Variants in ALDH18A1 observed in about 807,000 individuals in gnomAD.
The protein encoded by ALDH18A1 is delta-1-pyrroline-5-carboxylate synthase.
A neutral mutation model predicts 88.8 loss-of-function variants in ALDH18A1; 44 were observed. The ratio of observed to expected loss-of-function variants is 0.50; its 90% confidence interval spans 0.39 to 0.64. ALDH18A1 has a LOEUF of 0.64. Ranked by LOEUF, ALDH18A1 falls within the 30% of genes least tolerant of loss-of-function variation. ALDH18A1 has a pLI of 0.00. For synonymous variants in ALDH18A1, 331 were observed against 372.1 expected, an observed-to-expected ratio of 0.89 and a Z score of 1.27; for missense variants, 782 against 1,009.5, an observed-to-expected ratio of 0.77 and a Z score of 3.05.
intron 12 of ALDH18A1, among the ~76,000 whole-genome samples, chr10:95,619,186 C>T (rs536403837): frequency 2.0e-5 from 3 of 152,122 alleles, no homozygotes; most frequent in African/African-American, 7.2e-5. Flanking sequence ...CTCCCATTCA[C>T]AATTGCTACA....
chr10:95,637,120 A>G lies in ALDH18A1; in HGVS notation c.531T>C (p.Phe177=), dbSNP rs781084832. 1.2e-6 allele frequency: 2 copies of G among 1,614,198 alleles called. No individual in the cohort carries two copies. The highest frequency in any genetic ancestry group is 1.3e-5 in the African/African-American group (1 of 75,048). The change falls in exon 5 of 18, where the codon TTT becomes TTC. Residue 177 remains phenylalanine (F), a synonymous_variant. Coordinates refer to ENST00000371224, the MANE Select transcript of ALDH18A1 (RefSeq NM_002860.4). ...SGLMALYEAM[F]TQYSICAAQI... Reference sequence around the variant, plus strand: ...GGGCAGCACAGATGCTGTACTGGGTAAACATAGCCTCATACAAGGCCATCA... The same window carrying G: ...GGGCAGCACAGATGCTGTACTGGGTGAACATAGCCTCATACAAGGCCATCA...
At chr10:95,648,017 G>A (rs1211194269) in intron 2 of ALDH18A1, among the ~76,000 whole-genome samples, 1 of 152,208 alleles carries the variant, frequency 6.6e-6, no homozygotes, top group Admixed American at 6.5e-5. Flanking sequence ...TGAGTTCTCT[G>A]CATCACTCTA....
chr10:95,635,148 A>G (rs1039045345), intron 5 of ALDH18A1, among the ~76,000 whole-genome samples: 3 of 152,190 alleles, frequency 2.0e-5, no homozygotes, highest in Non-Finnish European at 4.4e-5. Context: ...TGTCTTGGGG[A>G]AAAATAAAAT....
Position 95,642,897 on chromosome 10 carries a change from TA to T in ALDH18A1, c.303+94del, listed in dbSNP as rs754673999. 913 of 1,288,380 alleles carry T rather than the reference TA, an allele frequency of 7.1e-4. 4 individuals carry two copies. The highest frequency in any genetic ancestry group is 7.9e-4 in the Non-Finnish European group (720 of 911,258). The allele number at this position is 1,288,380 out of a possible 1,614,324, so 79.8% of individuals were successfully genotyped here. A position where few individuals can be genotyped will look rare whatever the true frequency, so the allele number is the denominator to read the frequency against. On this transcript the variant is annotated intron_variant, in intron 3 of 17. Transcript: ENST00000371224. ...AAATCTACTGCACTGAAATCACAATTATTTTTTTAAGTTGATGAGCAACTTA... is the reference window on the plus strand; with the variant it reads ...AAATCTACTGCACTGAAATCACAATTTTTTTTTAAGTTGATGAGCAACTTA...
intron 17 of ALDH18A1, among the ~76,000 whole-genome samples, chr10:95,607,870 A>G (rs573135827): frequency 5.9e-5 from 9 of 152,230 alleles, no homozygotes; most frequent in African/African-American, 1.9e-4. Context: ...CAGAGAGAAG[A>G]GCAAGTACGA....
At chr10:95,625,291 A>T in intron 11 of ALDH18A1, 71 bp downstream of exon 11, 1 of 1,164,526 alleles carries the variant, frequency 8.6e-7, no homozygotes, top group Non-Finnish European at 1.3e-6. Context: ...CATAAGAATT[A>T]TTAGTAAAAC....
rs189607818 is a variant in ALDH18A1, at chr10:95,623,293, C to T, written c.1247-2042G>A. ...TACTAAATATTCCATTAATTTGATA[C>T]AGCTGAACGCACTTAACCACACCTA... On this transcript the variant is annotated intron_variant, in intron 11 of 17. Transcript: ENST00000371224. 9.5e-4 allele frequency among the ~76,000 whole-genome samples: 144 copies of T among 152,322 alleles called. 1 individual carries two copies. The highest frequency in any genetic ancestry group is 3.2e-3 in the African/African-American group (134 of 41,572).
chr10:95,654,766 T>C (rs993208593), intron 1 of ALDH18A1, among the ~76,000 whole-genome samples: 1 of 151,608 alleles, frequency 6.6e-6, no homozygotes, highest in African/African-American at 2.4e-5. Context: ...AACACTGAAG[T>C]ATGATTTTAG....
chr10:95,654,457 G>A (rs193246783), intron 1 of ALDH18A1, among the ~76,000 whole-genome samples: 17 of 152,180 alleles, frequency 1.1e-4, no homozygotes, highest in African/African-American at 2.9e-4. Flanking sequence ...CAGAGACACT[G>A]CTATTTTCAC....
At chr10:95,614,728 A>AT (rs1361336853) in intron 13 of ALDH18A1, among the ~76,000 whole-genome samples, 3 of 152,174 alleles carry the variant, frequency 2.0e-5, no homozygotes, top group Non-Finnish European at 4.4e-5. Context: ...GATTATGGGC[A>AT]TTTTGTTTTC....
At chr10:95,640,028 AT>A (rs1398249105) in intron 3 of ALDH18A1, among the ~76,000 whole-genome samples, 1 of 151,938 alleles carries the variant, frequency 6.6e-6, no homozygotes, top group Non-Finnish European at 1.5e-5. Context: ...GCATCTGTTG[AT>A]GATCATTGCC....
chr10:95,639,041 G>T (rs1427830816), intron 3 of ALDH18A1, among the ~76,000 whole-genome samples: 3 of 152,050 alleles, frequency 2.0e-5, no homozygotes, highest in Admixed American at 1.3e-4. Context: ...TTACAGGTGT[G>T]AGCCACTGTG....
intron 2 of ALDH18A1, among the ~76,000 whole-genome samples, chr10:95,651,577 T>C (rs1037987395): frequency 1.3e-5 from 2 of 152,182 alleles, no homozygotes; most frequent in African/African-American, 4.8e-5. Flanking sequence ...AGGAAGCTTA[T>C]AATCATGGCA....
rs149534585 is a variant in ALDH18A1, at chr10:95,625,567, C to T, written c.1153-112G>A. 9.2e-4 allele frequency: 764 copies of T among 829,138 alleles called. 11 individuals carry two copies. The East Asian group carries it at 0.019, about 20-fold the overall frequency. The allele number at this position is 829,138 out of a possible 1,614,324, so 51.4% of individuals were successfully genotyped here. A position where few individuals can be genotyped will look rare whatever the true frequency, so the allele number is the denominator to read the frequency against. Reference sequence around the variant, plus strand: ...GTGCCAGGCCTTGCTCCCACATCCACGGTCATCACCAGTTGAAATCTCCTG... The same window carrying T: ...GTGCCAGGCCTTGCTCCCACATCCATGGTCATCACCAGTTGAAATCTCCTG... On this transcript the variant is annotated intron_variant, in intron 10 of 17. Coordinates refer to ENST00000371224, the MANE Select transcript of ALDH18A1 (RefSeq NM_002860.4).
At chr10:95,634,872 G>A (rs993922137) in intron 5 of ALDH18A1, among the ~76,000 whole-genome samples, 5 of 152,184 alleles carry the variant, frequency 3.3e-5, no homozygotes, top group Admixed American at 2.6e-4. Flanking sequence ...ACGGAAGAGC[G>A]TTCTTGCTGT....
intron 7 of ALDH18A1, 119 bp from the exon 8 acceptor site, chr10:95,628,611 T>C (rs1457882957): frequency 2.4e-6 from 3 of 1,224,564 alleles, no homozygotes; most frequent in Non-Finnish European, 3.5e-6. Flanking sequence ...TCCACTGCAC[T>C]ACCACCTGCT....
In ALDH18A1 at chr10:95,633,497, C is replaced by T. The variant is rs779269485; in HGVS notation, c.711G>A (p.Gly237=). ...TTAGAAATACTTTACCCACATTTAC[C>T]CCCTGCAGGTCACTGTTGGGCTCAG... The part of the protein sequence containing the change: ...PPAEPNSDLQ[G]VNVISVKDND... The change falls in exon 6 of 18, where the codon GGG becomes GGA. Residue 237 remains glycine (G), a synonymous_variant. Coordinates refer to ENST00000371224, the MANE Select transcript of ALDH18A1 (RefSeq NM_002860.4). The T allele has an allele frequency of 6.2e-7, 1 of 1,614,104 alleles. No individual in the cohort carries two copies. The highest frequency in any genetic ancestry group is 1.1e-5 in the South Asian group (1 of 91,076).
At position 95,616,513 on chromosome 10, in the gene ALDH18A1, A is replaced by G. The variant is rs1221906425; in HGVS notation, c.1569T>C (p.Ala523=). The change falls in exon 13 of 18, where the codon GCT becomes GCC. Residue 523 remains alanine (A), a synonymous_variant. Transcript: ENST00000371224. ...NRILHLLTQE[A]LSIHGVKEAV... Reference sequence around the variant, plus strand: ...CCTCCTTGACTCCATGGATTGAGAGAGCCTCCTGGGTCAGGAGGTGGAGAA... The same window carrying G: ...CCTCCTTGACTCCATGGATTGAGAGGGCCTCCTGGGTCAGGAGGTGGAGAA... 6.3e-7 allele frequency: 1 copy of G among 1,575,988 alleles called. No individual in the cohort carries two copies. Among genetic ancestry groups the G allele is most frequent in the East Asian group, 2.3e-5 (1 of 43,742 alleles).
intron 3 of ALDH18A1, 145 bp downstream of exon 3, chr10:95,642,847 T>C (rs770725391): frequency 3.4e-6 from 3 of 883,248 alleles, no homozygotes; most frequent in Non-Finnish European, 5.4e-6. Flanking sequence ...GCGTCTACAG[T>C]GGGAAACAGT....
Sources: allele counts gnomAD v4.1 joint callset (sites outside exome capture counted in the v4.1 genomes callset), GRCh38; gene constraint gnomAD v4.1.1; transcripts MANE v1.5; gene names NCBI Gene and HGNC (gene_info 2026-07-23, HGNC 2026-07-21).